The following ABR variants were observed in gnomAD, a reference collection of about 807,000 sequenced individuals.
ABR encodes ABR activator of RhoGEF and GTPase.
ABR carries 35 observed loss-of-function variants against 107.2 expected under a neutral mutation model. The ratio of observed to expected loss-of-function variants is 0.33; its 90% CI spans 0.25 to 0.43. The LOEUF (loss-of-function observed/expected upper bound fraction) is 0.43, where lower values mean the gene tolerates loss of function less well. ABR is among the 20% of genes least tolerant of loss of function. The pLI, the probability that ABR is intolerant of heterozygous loss-of-function variation, is 1.00. For missense variants in ABR, 815 were observed against 1,115.2 expected (o/e 0.73, Z 3.83); for synonymous variants, 498 against 462.0 (o/e 1.08, Z -1.00).
At chr17:1,024,359 G>A (rs575290051) in intron 16 of ABR, among the ~76,000 whole-genome samples, 9 of 152,346 alleles carry the variant, frequency 5.9e-5, no homozygotes, top group South Asian at 4.1e-4. Flanking sequence ...AACCCCAACC[G>A]GCCACGGAAG....
At chr17:1,024,045 A>AAAAAAAAAAAAC (rs1226879321) in intron 16 of ABR, among the ~76,000 whole-genome samples, 2 of 149,796 alleles carry the variant, frequency 1.3e-5, no homozygotes, top group Non-Finnish European at 1.5e-5. Flanking sequence ...AAAAAAAAAA[A>AAAAAAAAAAAAC]AAAAGCAGCA....
At chr17:1,174,350 C>T (rs1270509999) in intron 1 of ABR, among the ~76,000 whole-genome samples, 1 of 152,224 alleles carries the variant, frequency 6.6e-6, no homozygotes, top group African/African-American at 2.4e-5. Context: ...TGCCAGCAGG[C>T]GCTCACTAGC....
At chr17:1,097,159 C>A (rs2037518417) in intron 3 of ABR, among the ~76,000 whole-genome samples, 1 of 152,154 alleles carries the variant, frequency 6.6e-6, no homozygotes, top group African/African-American at 2.4e-5. Context: ...TCTAAGGGCT[C>A]CGTGTCTGAT....
intron 1 of ABR, among the ~76,000 whole-genome samples, chr17:1,178,751 G>A (rs1243930726): frequency 6.6e-6 from 1 of 151,818 alleles, no homozygotes; most frequent in Non-Finnish European, 1.5e-5. Context: ...AAGCCCAGGA[G>A]GACCCTCTTC....
intron 1 of ABR, among the ~76,000 whole-genome samples, chr17:1,205,403 TA>T (rs886990561): frequency 1.3e-5 from 2 of 152,204 alleles, no homozygotes; most frequent in African/African-American, 4.8e-5. Context: ...GTATCATCTG[TA>T]ACAGCCTGTT....
chr17:1,194,359 T>C (rs946101754), intron 1 of ABR, among the ~76,000 whole-genome samples: 1 of 151,366 alleles, frequency 6.6e-6, no homozygotes, highest in African/African-American at 2.4e-5. Context: ...AGCTATTTTT[T>C]TGTTTTGTTT....
chr17:1,113,648 C>G (rs1298993178), intron 2 of ABR, among the ~76,000 whole-genome samples: 1 of 152,128 alleles, frequency 6.6e-6, no homozygotes, highest in African/African-American at 2.4e-5. Context: ...CCCGTGACTC[C>G]CCGTTGGCTG....
chr17:1,203,426 G>C lies in ABR; in HGVS notation c.838+25367C>G, dbSNP rs1321109012. Among the ~76,000 whole-genome samples the C allele has an allele frequency of 8.5e-4, 58 of 68,160 alleles. 19 individuals carry two copies. Among genetic ancestry groups the C allele is most frequent in the African/African-American group, 3.8e-3 (54 of 14,248 alleles). 44.7% of individuals were successfully genotyped at this position (68,160 alleles called of 152,430 possible). ...GGGGGGCGGAGTCTGCGGGGGCGGG[G>C]CCCGCGGGGACGGAGTCTGCGGGGG... On this transcript the variant is annotated intron_variant, in intron 1 of 22. Transcript: ENST00000574139.
At chr17:1,209,529 G>A (rs113610741) in intron 1 of ABR, among the ~76,000 whole-genome samples, 103 of 151,994 alleles carry the variant, frequency 6.8e-4, no homozygotes, top group East Asian at 2.5e-3. Context: ...CACCTGTCTC[G>A]GCCTCCCAGT....
intron 1 of ABR, among the ~76,000 whole-genome samples, chr17:1,172,950 A>AC (rs74213812): frequency 9.6e-5 from 12 of 124,842 alleles, no homozygotes; most frequent in East Asian, 9.3e-4. Flanking sequence ...CAGGTAATCC[A>AC]CCCCCCCCAT....
chr17:1,032,925 C>T (rs953039994), intron 16 of ABR, among the ~76,000 whole-genome samples: 11 of 152,306 alleles, frequency 7.2e-5, no homozygotes, highest in Middle Eastern at 3.4e-3. Context: ...GTCTTTCAAA[C>T]GCCCGACTGC....
intron 1 of ABR, among the ~76,000 whole-genome samples, chr17:1,158,105 G>A (rs1180931935): frequency 2.0e-5 from 3 of 152,108 alleles, no homozygotes; most frequent in African/African-American, 7.2e-5. Context: ...TTCCTGCAAT[G>A]GAATTCCAGG....
intron 3 of ABR, among the ~76,000 whole-genome samples, chr17:1,097,192 T>C (rs2037523457): frequency 6.6e-6 from 1 of 152,132 alleles, no homozygotes; most frequent in African/African-American, 2.4e-5. Flanking sequence ...CACTCCCTCC[T>C]TCAGGGAACG....
intron 16 of ABR, among the ~76,000 whole-genome samples, chr17:1,028,524 G>A (rs977110495): frequency 2.0e-4 from 30 of 152,160 alleles, no homozygotes; most frequent in Admixed American, 2.0e-4. Flanking sequence ...AAGCTTCCCC[G>A]AATGGCCCAA....
rs553110781 is a variant in ABR, at chr17:1,144,432, G to A, written c.62-19065C>T. Among the ~76,000 whole-genome samples the A allele has an allele frequency of 2.2e-4, 33 of 152,106 alleles. 1 individual carries two copies. Among genetic ancestry groups the A allele is most frequent in the African/African-American group, 5.8e-4 (24 of 41,504 alleles). ...GCCAGGAGGCAGATCTGGGTCCCGC[G>A]TCCAGACCTAATCTCTAGGTGCCGC... On this transcript the variant is annotated intron_variant, in intron 1 of 22. Coordinates refer to ENST00000302538, the MANE Select transcript of ABR (RefSeq NM_021962.5).
At chr17:1,102,381 C>T (rs924370642) in intron 2 of ABR, among the ~76,000 whole-genome samples, 2 of 152,156 alleles carry the variant, frequency 1.3e-5, no homozygotes, top group South Asian at 2.1e-4. Context: ...GATGGGGCCA[C>T]GAGCTAAGGA....
At chr17:1,020,044 G>A (rs945488526) in intron 16 of ABR, among the ~76,000 whole-genome samples, 14 of 152,230 alleles carry the variant, frequency 9.2e-5, no homozygotes, top group Non-Finnish European at 1.5e-4. Flanking sequence ...AGGGGTCGAC[G>A]ACTGGGCCGT....
intron 1 of ABR, among the ~76,000 whole-genome samples, chr17:1,127,579 C>T (rs972572671): frequency 6.6e-6 from 1 of 152,206 alleles, no homozygotes; most frequent in Non-Finnish European, 1.5e-5. Flanking sequence ...AGCCTCCCGC[C>T]GGCCCCTCCC....
At position 1,013,086 on chromosome 17, in the gene ABR, A is replaced by G. The variant is rs2070772015; in HGVS notation, c.1851+19T>C. 6.2e-7 allele frequency: 1 copy of G among 1,613,600 alleles called. No homozygotes were observed. The highest frequency in any genetic ancestry group is 8.5e-7 in the Non-Finnish European group (1 of 1,179,638). On this transcript the variant is annotated intron_variant, in intron 17 of 22. Coordinates refer to ENST00000302538, the MANE Select transcript of ABR (RefSeq NM_021962.5). Reference sequence around the variant, plus strand: ...CACCTCCCGGCTCACGCCACTGATCATTCCCATCCCCGGCTCACCCCGTTC... The same window carrying G: ...CACCTCCCGGCTCACGCCACTGATCGTTCCCATCCCCGGCTCACCCCGTTC...
Sources: allele counts gnomAD v4.1 joint callset (sites outside exome capture counted in the v4.1 genomes callset), GRCh38; gene constraint gnomAD v4.1.1; transcripts MANE v1.5; gene names NCBI Gene and HGNC (gene_info 2026-07-23, HGNC 2026-07-21).